Variants in CACNA2D3 observed in about 807,000 individuals in gnomAD.
The protein encoded by CACNA2D3 is voltage-dependent calcium channel subunit alpha-2/delta-3.
A neutral mutation model predicts 160.6 loss-of-function variants in CACNA2D3; 60 were observed. That is an observed-to-expected ratio of 0.37 (90% confidence interval 0.30 to 0.46). The LOEUF (loss-of-function observed/expected upper bound fraction) is 0.46, where lower values mean the gene tolerates loss of function less well. Ranked by LOEUF, CACNA2D3 falls within the 20% of genes least tolerant of loss-of-function variation. The pLI, the probability that CACNA2D3 is intolerant of heterozygous loss-of-function variation, is 1.00. For missense variants in CACNA2D3, 1,205 were observed against 1,365.0 expected, an observed-to-expected ratio of 0.88 and a Z score of 1.85; for synonymous variants, 558 against 492.9, an observed-to-expected ratio of 1.13 and a Z score of -1.75.
chr3:54,473,549 A>T (rs1241028795), intron 4 of CACNA2D3, among the ~76,000 whole-genome samples: 1 of 152,236 alleles, frequency 6.6e-6, no homozygotes, highest in Non-Finnish European at 1.5e-5. Flanking sequence ...TAATTAAACT[A>T]AACAGCTTCT....
chr3:54,955,313 C>G (rs1246337461), intron 27 of CACNA2D3, among the ~76,000 whole-genome samples: 1 of 152,102 alleles, frequency 6.6e-6, no homozygotes, highest in African/African-American at 2.4e-5. Context: ...CAGGTAATCT[C>G]TTGAAGCTAC....
At chr3:54,914,189 T>C (rs981515940) in intron 27 of CACNA2D3, among the ~76,000 whole-genome samples, 5 of 152,068 alleles carry the variant, frequency 3.3e-5, no homozygotes, top group African/African-American at 1.2e-4. Flanking sequence ...TTCTGTAAAA[T>C]AAGGACATGG....
chr3:54,631,546 G>T (rs114482736), intron 10 of CACNA2D3, among the ~76,000 whole-genome samples: 9 of 151,610 alleles, frequency 5.9e-5, no homozygotes, highest in Non-Finnish European at 4.4e-5. Flanking sequence ...ACATATACAC[G>T]CACACACACA....
intron 25 of CACNA2D3, 23 bp from the exon 26 acceptor site, chr3:54,896,726 T>C: frequency 6.2e-7 from 1 of 1,613,972 alleles, no homozygotes; most frequent in Non-Finnish European, 8.5e-7. Context: ...ATGCATGTTC[T>C]TCTGATTCTT....
intron 25 of CACNA2D3, among the ~76,000 whole-genome samples, chr3:54,892,825 G>C (rs1313337433): frequency 2.0e-5 from 3 of 152,206 alleles, no homozygotes; most frequent in South Asian, 2.1e-4. Context: ...ACACCTTGCT[G>C]GTCTGATAAC....
chr3:54,491,755 GT>G lies in CACNA2D3; in HGVS notation c.382-11735del, dbSNP rs1330795468. Among the ~76,000 whole-genome samples, 14 of 152,310 alleles carry G rather than the reference GT, an allele frequency of 9.2e-5. No homozygotes were observed. The East Asian group carries it at 2.5e-3, about 27-fold the overall frequency. ...TTTTACTAAAACAGCAAAATTGAAT[GT>G]TGCCACAGAGACTGTCTGGCCTGCA... On this transcript the variant is annotated intron_variant, in intron 4 of 37. Coordinates refer to ENST00000474759, the MANE Select transcript of CACNA2D3 (RefSeq NM_018398.3).
intron 5 of CACNA2D3, among the ~76,000 whole-genome samples, chr3:54,554,807 A>G (rs987601023): frequency 6.6e-6 from 1 of 151,326 alleles, no homozygotes; most frequent in Non-Finnish European, 1.5e-5. Flanking sequence ...TGTGGAGAAC[A>G]TGGTGAAAGT....
At chr3:54,553,671 AT>A (rs1299770601) in intron 5 of CACNA2D3, among the ~76,000 whole-genome samples, 1 of 152,160 alleles carries the variant, frequency 6.6e-6, no homozygotes, top group South Asian at 2.1e-4. Context: ...AAGCTGACCC[AT>A]TTTTTGTGGT....
chr3:54,200,834 C>T lies in CACNA2D3; in HGVS notation c.204+77240C>T, dbSNP rs151314447. On this transcript the variant is annotated intron_variant, in intron 2 of 37. Coordinates refer to ENST00000474759, the MANE Select transcript of CACNA2D3 (RefSeq NM_018398.3). ...GTCTCCTGTTTCCCTATTTTCTAAA[C>T]ATTTTAGACAAGTGCTTTGGAAAAT... Among the ~76,000 whole-genome samples the T allele has an allele frequency of 3.3e-5, 5 of 152,308 alleles. No homozygotes were observed. In the South Asian group the frequency reaches 1.0e-3, roughly 32 times the overall value.
intron 2 of CACNA2D3, among the ~76,000 whole-genome samples, chr3:54,143,799 G>A (rs1699978017): frequency 1.3e-5 from 2 of 152,092 alleles, no homozygotes; most frequent in South Asian, 4.2e-4. Flanking sequence ...GTGCCTGGCC[G>A]ATTGTTAATA....
chr3:54,837,025 A>G, intron 14 of CACNA2D3, 134 bp from the exon 15 acceptor site: 2 of 738,610 alleles, frequency 2.7e-6, no homozygotes, highest in South Asian at 1.6e-5. Context: ...TCCGCGCTCC[A>G]CTAAAGGCTT....
intron 13 of CACNA2D3, among the ~76,000 whole-genome samples, chr3:54,774,046 A>G (rs747618941): frequency 3.3e-5 from 5 of 152,222 alleles, no homozygotes; most frequent in African/African-American, 9.6e-5. Context: ...CTGAATAATC[A>G]TACAACATGA....
rs968775575 is a variant in CACNA2D3, at chr3:55,073,576, G to T, written c.3100+19G>T. 3.2e-6 allele frequency: 5 copies of T among 1,581,906 alleles called. No individual in the cohort carries two copies. Among genetic ancestry groups the T allele is most frequent in the Non-Finnish European group, 4.3e-6 (5 of 1,150,928 alleles). ...ATCAGGTATATCCTTTTGTGTGCAG[G>T]TCCACTCACTACCACGGAAACCAGT... On this transcript the variant is annotated intron_variant, in intron 36 of 37. Coordinates refer to ENST00000474759, the MANE Select transcript of CACNA2D3 (RefSeq NM_018398.3).
chr3:54,250,508 A>G (rs62253169), intron 2 of CACNA2D3, among the ~76,000 whole-genome samples: 9,362 of 152,162 alleles, frequency 0.062, 429 homozygotes, highest in Non-Finnish European at 0.1. Context: ...ATTATAGCTC[A>G]CTGTAGCCTC....
At chr3:54,206,661 T>C (rs1238355015) in intron 2 of CACNA2D3, among the ~76,000 whole-genome samples, 1 of 152,196 alleles carries the variant, frequency 6.6e-6, no homozygotes, top group East Asian at 1.9e-4. Context: ...ACTGGTGAGC[T>C]ATACTAGTAG....
At chr3:54,734,636 C>T (rs989801432) in intron 11 of CACNA2D3, among the ~76,000 whole-genome samples, 4 of 152,206 alleles carry the variant, frequency 2.6e-5, no homozygotes, top group Non-Finnish European at 5.9e-5. Flanking sequence ...CTTTGCAGAT[C>T]GGTAGGAAAT....
chr3:54,192,009 A>G (rs1700993667), intron 2 of CACNA2D3, among the ~76,000 whole-genome samples: 1 of 151,834 alleles, frequency 6.6e-6, no homozygotes, highest in African/African-American at 2.4e-5. Context: ...TTTATTTGGG[A>G]CCTGCCAGCT....
chr3:54,938,287 T>C (rs1364940167), intron 27 of CACNA2D3, among the ~76,000 whole-genome samples: 2 of 152,238 alleles, frequency 1.3e-5, no homozygotes, highest in African/African-American at 2.4e-5. Context: ...ATGCAAACAC[T>C]GCAGCAGACC....
intron 4 of CACNA2D3, among the ~76,000 whole-genome samples, chr3:54,409,245 A>T (rs1290930214): frequency 6.6e-6 from 1 of 152,118 alleles, no homozygotes; most frequent in East Asian, 1.9e-4. Flanking sequence ...AGACTTTTTC[A>T]CTATTGCTAT....
Sources: allele counts gnomAD v4.1 joint callset (sites outside exome capture counted in the v4.1 genomes callset), GRCh38; gene constraint gnomAD v4.1.1; transcripts MANE v1.5; gene names NCBI Gene and HGNC (gene_info 2026-07-23, HGNC 2026-07-21).